BNC2: variants seen among roughly 807,000 people sequenced by gnomAD.
BNC2 encodes the protein zinc finger protein basonuclin-2.
In BNC2, 20 loss-of-function variants were observed where a neutral mutation model predicts 76.3. The observed-to-expected ratio is 0.26, with a 90% confidence interval of 0.18 to 0.38. The LOEUF (loss-of-function observed/expected upper bound fraction) is 0.38. BNC2 is among the 10% of genes least tolerant of loss of function. The pLI is 1.00. For missense variants in BNC2, 1,382 were observed against 1,399.8 expected (o/e 0.99, Z 0.20); for synonymous variants, 582 against 514.8 (o/e 1.13, Z -1.77).
intron 1 of BNC2, among the ~76,000 whole-genome samples, chr9:16,846,965 CG>C (rs781756636): frequency 5.9e-5 from 9 of 152,116 alleles, no homozygotes; most frequent in Non-Finnish European, 1.2e-4. Flanking sequence ...TGGAAACACC[CG>C]AAACTTAACT....
At chr9:16,673,435 A>ACACACACACACAC (rs1563892010) in intron 3 of BNC2, among the ~76,000 whole-genome samples, 40 of 93,376 alleles carry the variant, frequency 4.3e-4, no homozygotes, top group African/African-American at 1.9e-3. Context: ...AGATTTAAAA[A>ACACACACACACAC]AAAAAAAAAC....
intron 3 of BNC2, among the ~76,000 whole-genome samples, chr9:16,670,137 T>C (rs1822432001): frequency 6.6e-6 from 1 of 152,200 alleles, no homozygotes; most frequent in Non-Finnish European, 1.5e-5. Context: ...AAATCTTCAC[T>C]GATCTATCAT....
rs1446018096 is a variant in BNC2, at chr9:16,437,490, A to G, written c.704T>C (p.Ile235Thr). The G allele has an allele frequency of 3.7e-6, 6 of 1,613,450 alleles. No homozygotes were observed. In the East Asian group the frequency reaches 1.1e-4, roughly 30 times the overall value. Residue 235 changes from isoleucine (I) to threonine (T), a missense_variant, in exon 6 of 7, where the codon ATC (isoleucine) becomes ACC (threonine). By Grantham distance (89) the Ile-to-Thr change is moderately conservative (BLOSUM62 -1). Coordinates refer to ENST00000380672, the MANE Select transcript of BNC2 (RefSeq NM_017637.6). ...GATGATTTCCTCTTCTCGAGACATG[A>G]TGGCCCAGCGGTCCAGCACCTTGCC... ...AAGKVLDRWA[I>T]MSREEEIITL... is the part of the protein sequence containing the mutation.
chr9:16,662,723 G>A (rs567596841), intron 3 of BNC2, among the ~76,000 whole-genome samples: 1 of 151,912 alleles, frequency 6.6e-6, no homozygotes, highest in Admixed American at 6.6e-5. Flanking sequence ...GTGACAGAGT[G>A]AGACTGTCTC....
At chr9:16,441,005 G>A (rs945584812) in intron 5 of BNC2, among the ~76,000 whole-genome samples, 1 of 152,208 alleles carries the variant, frequency 6.6e-6, no homozygotes, top group African/African-American at 2.4e-5. Flanking sequence ...GAGTCCCCTT[G>A]ATAGTGCCAT....
At chr9:16,779,382 G>T (rs1826062415) in intron 1 of BNC2, among the ~76,000 whole-genome samples, 2 of 151,468 alleles carry the variant, frequency 1.3e-5, no homozygotes, top group Non-Finnish European at 2.9e-5. Context: ...GTATCCAAGA[G>T]GTAAAACTGA....
At chr9:16,548,536 G>C (rs1430662377) in intron 5 of BNC2, among the ~76,000 whole-genome samples, 1 of 152,012 alleles carries the variant, frequency 6.6e-6, no homozygotes, top group Non-Finnish European at 1.5e-5. Flanking sequence ...TTCCCAAGTA[G>C]CTGGGTTAAC....
At chr9:16,830,316 G>C (rs1397106077) in intron 1 of BNC2, among the ~76,000 whole-genome samples, 2 of 152,176 alleles carry the variant, frequency 1.3e-5, no homozygotes, top group African/African-American at 2.4e-5. Context: ...GTACGGAATG[G>C]TTGCAGGTCC....
intron 3 of BNC2, among the ~76,000 whole-genome samples, chr9:16,632,573 C>T (rs1290346307): frequency 6.6e-6 from 1 of 152,156 alleles, no homozygotes; most frequent in African/African-American, 2.4e-5. Context: ...ATCAGACCAA[C>T]CAAAACTTAG....
chr9:16,511,784 C>T (rs1025655160), intron 5 of BNC2, among the ~76,000 whole-genome samples: 4 of 151,786 alleles, frequency 2.6e-5, no homozygotes, highest in Non-Finnish European at 4.4e-5. Context: ...GACCTTTTGC[C>T]GATAAAGTAA....
At chr9:16,449,606 C>T (rs1379583264) in intron 5 of BNC2, among the ~76,000 whole-genome samples, 1 of 152,078 alleles carries the variant, frequency 6.6e-6, no homozygotes, top group Non-Finnish European at 1.5e-5. Context: ...ATTATACTGA[C>T]AGAAGAATGA....
intron 5 of BNC2, among the ~76,000 whole-genome samples, chr9:16,536,047 G>C (rs988979435): frequency 6.6e-6 from 1 of 152,020 alleles, no homozygotes; most frequent in African/African-American, 2.4e-5. Flanking sequence ...CAACATGCCA[G>C]CTCACTGCAG....
intron 1 of BNC2, among the ~76,000 whole-genome samples, chr9:16,862,693 T>C (rs12683636): frequency 0.14 from 20,546 of 152,132 alleles, 1,950 homozygotes; most frequent in African/African-American, 0.24. Context: ...CCTATTTTGT[T>C]CTAATTTGGG....
chr9:16,771,630 A>T (rs1002061991), intron 1 of BNC2, among the ~76,000 whole-genome samples: 4 of 152,248 alleles, frequency 2.6e-5, no homozygotes, highest in Non-Finnish European at 1.5e-5. Context: ...CAATACATGA[A>T]CTATAATGAC....
Position 16,709,628 on chromosome 9 carries a change from C to G in BNC2, c.330+18169G>C, listed in dbSNP as rs190969512. Among the ~76,000 whole-genome samples, 55 of 152,306 alleles carry G rather than the reference C, an allele frequency of 3.6e-4. 1 individual carries two copies. Among genetic ancestry groups the G allele is most frequent in the African/African-American group, 1.2e-3 (48 of 41,556 alleles). On this transcript the variant is annotated intron_variant, in intron 3 of 6. Coordinates refer to ENST00000380672, the MANE Select transcript of BNC2 (RefSeq NM_017637.6). ...AAGAAAAACCTATTTTATTAAACATCAAATTCTTGGAATTGTTTCCTAATT... is the reference window on the plus strand; with the variant it reads ...AAGAAAAACCTATTTTATTAAACATGAAATTCTTGGAATTGTTTCCTAATT...
chr9:16,550,993 C>A (rs1203662190), intron 5 of BNC2, among the ~76,000 whole-genome samples: 1 of 152,104 alleles, frequency 6.6e-6, no homozygotes, highest in African/African-American at 2.4e-5. Flanking sequence ...AAACCAGTTC[C>A]TGATTTATTT....
At chr9:16,491,542 A>G (rs982724662) in intron 5 of BNC2, among the ~76,000 whole-genome samples, 3 of 152,196 alleles carry the variant, frequency 2.0e-5, no homozygotes, top group Non-Finnish European at 4.4e-5. Flanking sequence ...ATACCTTGAT[A>G]GCTGGGGAAA....
chr9:16,732,061 C>G (rs1446795608), intron 2 of BNC2, among the ~76,000 whole-genome samples: 3 of 150,208 alleles, frequency 2.0e-5, no homozygotes, highest in African/African-American at 4.9e-5. Flanking sequence ...CTTGTTAGCT[C>G]TGTAAGCAAT....
chr9:16,435,033 C>G, intron 6 of BNC2: 1 of 471,482 alleles, frequency 2.1e-6, no homozygotes, highest in Non-Finnish European at 4.4e-6. Flanking sequence ...ACTGGTTATA[C>G]CTACGGAGAT....
Sources: allele counts gnomAD v4.1 joint callset (sites outside exome capture counted in the v4.1 genomes callset), GRCh38; gene constraint gnomAD v4.1.1; transcripts MANE v1.5; gene names NCBI Gene and HGNC (gene_info 2026-07-23, HGNC 2026-07-21).